NIBAN2: variants seen among roughly 807,000 people sequenced by gnomAD.
NIBAN2 encodes the protein protein Niban 2.
In NIBAN2, 36 loss-of-function variants were observed where a neutral mutation model predicts 81.8. The observed-to-expected ratio is 0.44, with a 90% CI of 0.34 to 0.58. NIBAN2 has a LOEUF of 0.58. NIBAN2 is among the 20% of genes least tolerant of loss of function. NIBAN2 has a pLI of 0.02. For missense variants in NIBAN2, 897 were observed against 1,014.1 expected (o/e 0.88, Z 1.57); for synonymous variants, 445 against 441.6 (o/e 1.01, Z -0.10).
upstream of NIBAN2, among the ~76,000 whole-genome samples, chr9:127,570,746 G>T (rs1837937321): frequency 1.3e-5 from 2 of 152,258 alleles, 1 homozygote; most frequent in South Asian, 4.1e-4. Context: ...AGTGGGGACA[G>T]CATGGGCAGG....
chr9:127,517,267 G>C lies in NIBAN2; in HGVS notation c.706-51C>G. Reference sequence around the variant, plus strand: ...CCAGGGGCTGGAGAGCGCTCAGCTGGCCTGTTTCTCTCTGCATTCCCACAA... The same window carrying C: ...CCAGGGGCTGGAGAGCGCTCAGCTGCCCTGTTTCTCTCTGCATTCCCACAA... On this transcript the variant is annotated intron_variant, in intron 6 of 13. Coordinates refer to ENST00000373312, the MANE Select transcript of NIBAN2 (RefSeq NM_022833.4). The surrounding 1 kb of genome is among the most constrained non-coding windows in gnomAD (Gnocchi z 4.0). The C allele has an allele frequency of 2.0e-6, 3 of 1,519,826 alleles. No individual in the cohort carries two copies. Among genetic ancestry groups the C allele is most frequent in the Non-Finnish European group, 2.7e-6 (3 of 1,104,646 alleles). 94.1% of individuals were successfully genotyped at this position (1,519,826 alleles called of 1,614,324 possible). A position where few individuals can be genotyped will look rare whatever the true frequency, so the allele number is the denominator to read the frequency against.
chr9:127,513,381 T>A (rs759351026), intron 8 of NIBAN2, among the ~76,000 whole-genome samples: 23 of 152,138 alleles, frequency 1.5e-4, no homozygotes. Context: ...AGAGCAACTG[T>A]ATCTTAAATA....
intron 1 of NIBAN2, among the ~76,000 whole-genome samples, chr9:127,566,161 C>G (rs921740832): frequency 2.6e-5 from 4 of 151,988 alleles, no homozygotes; most frequent in African/African-American, 9.7e-5. Flanking sequence ...TCCAAGGTTG[C>G]AGGCATTATA....
chr9:127,540,805 G>C (rs915525111), intron 1 of NIBAN2, among the ~76,000 whole-genome samples: 1 of 152,250 alleles, frequency 6.6e-6, no homozygotes, highest in Non-Finnish European at 1.5e-5. Flanking sequence ...CCCCAGTGGA[G>C]GGCGCTGTGC....
upstream of NIBAN2, among the ~76,000 whole-genome samples, chr9:127,571,910 T>A (rs1198454285): frequency 6.6e-6 from 1 of 152,144 alleles, no homozygotes; most frequent in Non-Finnish European, 1.5e-5. Context: ...TTTAGGGGGA[T>A]AAAAATGGTC....
chr9:127,507,296 C>T lies in NIBAN2; in HGVS notation c.1790G>A (p.Gly597Asp). 6.3e-7 allele frequency: 1 copy of T among 1,595,560 alleles called. No individual in the cohort carries two copies. The highest frequency in any genetic ancestry group is 8.6e-7 in the Non-Finnish European group (1 of 1,167,942). ...IDWGEEYSNS[G>D]GGGSPSPSTP... ...GCTGGGGCTGGGGCTGCCGCCCCCG[C>T]CGCTGTTGCTGTACTCCTCGCCCCA... The change falls in exon 14 of 14, where the codon GGC becomes GAC. Residue 597 changes from glycine to aspartate, a missense_variant. Gly to Asp is a moderately conservative substitution (Grantham distance 94). Coordinates refer to ENST00000373312, the MANE Select transcript of NIBAN2 (RefSeq NM_022833.4). The surrounding 1 kb of genome is among the most constrained non-coding windows in gnomAD (Gnocchi z 6.8).
At chr9:127,578,026 T>C (rs1276974739) in intron 1 of NIBAN2, among the ~76,000 whole-genome samples, 1 of 151,494 alleles carries the variant, frequency 6.6e-6, no homozygotes, top group Non-Finnish European at 1.5e-5. Flanking sequence ...CTGTCTCTAC[T>C]AAAAACACAA....
chr9:127,578,919 T>TA lies in NIBAN2; in HGVS notation c.16+2dup, dbSNP rs767741771. 2.8e-5 allele frequency: 45 copies of TA among 1,611,326 alleles called. No individual in the cohort carries two copies. The East Asian group carries it at 9.9e-4, about 35-fold the overall frequency. ...GTCCTGGGGACTTGTGCACAAGTCT[T>TA]ACCTCCCATCCACCCCATCCTCCAG... On this transcript the variant is annotated splice_region_variant and intron_variant, in intron 1 of 13. Coordinates refer to the NIBAN2 transcript ENST00000373314.
At chr9:127,553,039 A>T (rs549982469) in intron 1 of NIBAN2, among the ~76,000 whole-genome samples, 3 of 152,208 alleles carry the variant, frequency 2.0e-5, no homozygotes, top group African/African-American at 7.2e-5. Flanking sequence ...CCCACTACTC[A>T]CTATTAAGGT....
At chr9:127,566,625 C>A (rs916846702) in intron 1 of NIBAN2, among the ~76,000 whole-genome samples, 1 of 152,170 alleles carries the variant, frequency 6.6e-6, no homozygotes, top group Non-Finnish European at 1.5e-5. Flanking sequence ...GGAACCCTAA[C>A]AGGCCTGGGA....
intron 1 of NIBAN2, among the ~76,000 whole-genome samples, chr9:127,557,662 T>G (rs1192989973): frequency 6.6e-6 from 1 of 152,182 alleles, no homozygotes; most frequent in Non-Finnish European, 1.5e-5. Flanking sequence ...CCTGCTAAAG[T>G]CAGGCCAGGA....
upstream of NIBAN2, among the ~76,000 whole-genome samples, chr9:127,571,364 G>A (rs1837943883): frequency 6.6e-6 from 1 of 152,146 alleles, no homozygotes; most frequent in African/African-American, 2.4e-5. Flanking sequence ...TAATCCATCT[G>A]AGCATCCATG....
chr9:127,554,100 C>T (rs1837624387), intron 1 of NIBAN2, among the ~76,000 whole-genome samples: 1 of 152,248 alleles, frequency 6.6e-6, no homozygotes, highest in Non-Finnish European at 1.5e-5. Context: ...CCACTGGGGG[C>T]TCAGAGGCTG....
rs551787434 is a variant in NIBAN2 at position 127,509,370 on chromosome 9, C to T, written c.1162-239G>A. 2.6e-5 allele frequency among the ~76,000 whole-genome samples: 4 copies of T among 152,224 alleles called. No homozygotes were observed. The East Asian group carries it at 5.8e-4, about 22-fold the overall frequency. On this transcript the variant is annotated intron_variant, in intron 9 of 13. Transcript: ENST00000373312. ...GCACAGCGCTGTGGAGAGGCAGCCT[C>T]GGTGCCGGCAGAAGGCACTCATCCC...
At chr9:127,565,946 T>TCTCTCTCTCACACA (rs751937125) in intron 1 of NIBAN2, among the ~76,000 whole-genome samples, 40 of 130,616 alleles carry the variant, frequency 3.1e-4, no homozygotes, top group South Asian at 2.6e-3. Flanking sequence ...TCTCTCTCTC[T>TCTCTCTCTCACACA]CACACACACA....
At chr9:127,560,747 C>T (rs1224508392) in intron 1 of NIBAN2, among the ~76,000 whole-genome samples, 1 of 152,194 alleles carries the variant, frequency 6.6e-6, no homozygotes, top group Admixed American at 6.5e-5. Flanking sequence ...TGATTGAATT[C>T]ATACAAGAAA....
At chr9:127,523,258 TA>T (rs1175927798) in intron 5 of NIBAN2, among the ~76,000 whole-genome samples, 10 of 60,672 alleles carry the variant, frequency 1.6e-4, no homozygotes, top group African/African-American at 5.9e-4. Context: ...TATATAAAAT[TA>T]AAAAAAAAAT....
At chr9:127,518,709 C>T (rs890239010) in intron 5 of NIBAN2, among the ~76,000 whole-genome samples, 9 of 152,202 alleles carry the variant, frequency 5.9e-5, no homozygotes, top group Admixed American at 2.0e-4. Flanking sequence ...AGGTCCACTG[C>T]GGGGCTCCCT....
At chr9:127,537,857 T>A (rs764412692) in intron 1 of NIBAN2, among the ~76,000 whole-genome samples, 50 of 151,994 alleles carry the variant, frequency 3.3e-4, no homozygotes, top group Non-Finnish European at 6.9e-4. Context: ...CTCACAGAGG[T>A]TGTCACAAAA....
Sources: allele counts gnomAD v4.1 joint callset (sites outside exome capture counted in the v4.1 genomes callset), GRCh38; gene constraint gnomAD v4.1.1; non-coding constraint Gnocchi (gnomAD v3.1); transcripts MANE v1.5; gene names NCBI Gene and HGNC (gene_info 2026-07-23, HGNC 2026-07-21).